CCDC63: variants seen among roughly 807,000 people sequenced by gnomAD.
CCDC63 encodes the protein coiled-coil domain containing 63.
CCDC63 carries 54 observed loss-of-function variants against 63.6 expected under a neutral mutation model. The observed-to-expected ratio is 0.85, with a 90% CI of 0.68 to 1.07. The LOEUF is 1.07. CCDC63 is among the 50% of genes least tolerant of loss of function. The pLI is 0.00. For synonymous variants in CCDC63, 253 were observed against 266.1 expected (o/e 0.95, Z 0.48); for missense variants, 637 against 689.6 (o/e 0.92, Z 0.86).
intron 3 of CCDC63, among the ~76,000 whole-genome samples, chr12:110,857,231 A>G (rs959623387): frequency 6.6e-6 from 1 of 151,866 alleles, no homozygotes; most frequent in African/African-American, 2.4e-5. Flanking sequence ...GGTTCAAGCA[A>G]TTCTCTGCCT....
At chr12:110,863,146 A>G (rs939339591) in intron 4 of CCDC63, among the ~76,000 whole-genome samples, 1 of 152,158 alleles carries the variant, frequency 6.6e-6, no homozygotes, top group African/African-American at 2.4e-5. Context: ...GAGGGTTTGC[A>G]CTGGGGGCGC....
In CCDC63 at chr12:110,858,711, C is replaced by T; in HGVS notation, c.305C>T (p.Thr102Ile). The T allele has an allele frequency of 6.2e-7, 1 of 1,614,100 alleles. No homozygotes were observed. ...NYMELRLLLQTKEDYEALIKS... is the reference protein window; with the variant it reads ...NYMELRLLLQIKEDYEALIKS... ...ATGGAGCTGCGACTCCTGCTCCAAA[C>T]TAAGGAGGACTATGAGGCATTGATT... The change falls in exon 4 of 12, where the codon ACT becomes ATT. Residue 102 changes from threonine to isoleucine, a missense_variant. Transcript: ENST00000308208.
upstream of CCDC63, among the ~76,000 whole-genome samples, chr12:110,844,925 T>C (rs2070621861): frequency 1.3e-5 from 2 of 152,230 alleles, no homozygotes; most frequent in African/African-American, 4.8e-5. Context: ...TCCAAATGCC[T>C]CTGCCTGGTC....
intron 2 of CCDC63, among the ~76,000 whole-genome samples, 177 bp downstream of exon 2, chr12:110,853,140 GCA>G (rs769536566): frequency 1.3e-5 from 2 of 152,020 alleles, no homozygotes; most frequent in South Asian, 2.1e-4. Context: ...CCACTAGATG[GCA>G]CAGTCAGAGT....
chr12:110,867,672 T>C (rs2070986959), intron 4 of CCDC63, among the ~76,000 whole-genome samples: 1 of 114,188 alleles, frequency 8.8e-6, no homozygotes, highest in African/African-American at 3.5e-5. Context: ...GCCCCTCACC[T>C]CCCAGACGGG....
chr12:110,878,300 A>G (rs2071157996), intron 5 of CCDC63, among the ~76,000 whole-genome samples: 1 of 152,102 alleles, frequency 6.6e-6, no homozygotes, highest in Admixed American at 6.6e-5. Context: ...GTGCATATAT[A>G]TACACACTCA....
chr12:110,886,089 C>T (rs1176506133), intron 8 of CCDC63, among the ~76,000 whole-genome samples: 1 of 152,050 alleles, frequency 6.6e-6, no homozygotes, highest in Non-Finnish European at 1.5e-5. Flanking sequence ...AACAGCACAG[C>T]CAACATGGGT....
Position 110,898,916 on chromosome 12 carries a change from T to C in CCDC63, c.1150-17T>C. On this transcript the variant is annotated splice_polypyrimidine_tract_variant and intron_variant, in intron 9 of 11. Transcript: ENST00000308208. ...GAAAGTCCTCCTGAGCAGGTGGGAA[T>C]TGGGGTCTGCCACCAGGATAAACTG... The C allele has an allele frequency of 1.3e-6, 2 of 1,570,210 alleles. No individual in the cohort carries two copies. Among genetic ancestry groups the C allele is most frequent in the Non-Finnish European group, 1.7e-6 (2 of 1,154,926 alleles).
intron 5 of CCDC63, among the ~76,000 whole-genome samples, chr12:110,879,236 G>A (rs1366990055): frequency 1.3e-5 from 2 of 152,162 alleles, no homozygotes; most frequent in African/African-American, 4.8e-5. Flanking sequence ...ATCCAGTCAA[G>A]GTTCACATAA....
intron 4 of CCDC63, among the ~76,000 whole-genome samples, chr12:110,860,176 C>T (rs1318977200): frequency 2.0e-5 from 3 of 152,168 alleles, no homozygotes; most frequent in Non-Finnish European, 4.4e-5. Flanking sequence ...ACTTGGAGAG[C>T]CTGGGGCAAG....
chr12:110,849,055 G>A (rs533592530), intron 1 of CCDC63, among the ~76,000 whole-genome samples: 55 of 152,302 alleles, frequency 3.6e-4, no homozygotes, highest in South Asian at 1.4e-3. Context: ...CCCTGCCTGT[G>A]GGAATTTCCC....
intron 10 of CCDC63, 25 bp from the exon 11 acceptor site, chr12:110,904,563 C>T: frequency 6.2e-7 from 1 of 1,612,226 alleles, no homozygotes; most frequent in South Asian, 1.1e-5. Context: ...CGGCAGCCAT[C>T]TTGGTCCTGC....
At chr12:110,873,139 G>A (rs1463512858) in intron 4 of CCDC63, among the ~76,000 whole-genome samples, 3 of 152,166 alleles carry the variant, frequency 2.0e-5, no homozygotes, top group Non-Finnish European at 4.4e-5. Flanking sequence ...GAGACGCTAA[G>A]GTAGGAGAAT....
upstream of CCDC63, among the ~76,000 whole-genome samples, chr12:110,844,496 G>A (rs1313238283): frequency 6.6e-6 from 1 of 152,150 alleles, no homozygotes; most frequent in African/African-American, 2.4e-5. Context: ...ATGCTTTCTT[G>A]TTTGCATCCA....
At chr12:110,872,779 C>T (rs990781158) in intron 4 of CCDC63, among the ~76,000 whole-genome samples, 14 of 152,086 alleles carry the variant, frequency 9.2e-5, no homozygotes, top group African/African-American at 3.4e-4. Flanking sequence ...GTGCATGCCA[C>T]CAAGCCTGAC....
In CCDC63 at chr12:110,904,790, T is replaced by C. The variant is rs2071537894; in HGVS notation, c.1545T>C (p.Asp515=). 6.2e-7 allele frequency: 1 copy of C among 1,605,334 alleles called. No homozygotes were observed. Among genetic ancestry groups the C allele is most frequent in the Non-Finnish European group, 8.5e-7 (1 of 1,176,248 alleles). Residue 515 remains aspartate, a splice_region_variant and synonymous_variant, in exon 11 of 12, where the codon GAT becomes GAC. Coordinates refer to ENST00000308208, the MANE Select transcript of CCDC63 (RefSeq NM_152591.3). ...ACCCCTTCAGCGACAGGTTGGATGA[T>C]GGTGAGTTCTCTCTCTCTCAATCTG... is the stretch of plus-strand genomic sequence containing the variant. The part of the protein sequence containing the change: ...GADPFSDRLD[D]VEQPLDHSSL...
intron 11 of CCDC63, among the ~76,000 whole-genome samples, 174 bp downstream of exon 11, chr12:110,904,965 T>C (rs372163075): frequency 1.0e-3 from 156 of 152,262 alleles, no homozygotes; most frequent in Middle Eastern, 6.8e-3. Flanking sequence ...CTGTGGTCAC[T>C]TGGTGTCACT....
chr12:110,878,636 T>A (rs903315748), intron 5 of CCDC63, among the ~76,000 whole-genome samples: 3 of 152,208 alleles, frequency 2.0e-5, no homozygotes, highest in Non-Finnish European at 4.4e-5. Flanking sequence ...CATCCATTCA[T>A]CTGTCAGTGA....
Position 110,877,011 on chromosome 12 carries a change from C to T in CCDC63, c.490-2895C>T, listed in dbSNP as rs143078557. Among the ~76,000 whole-genome samples, 320 of 151,918 alleles carry T rather than the reference C, an allele frequency of 2.1e-3. 5 individuals carry two copies. In the East Asian group the frequency reaches 0.055, roughly 26 times the overall value. On this transcript the variant is annotated intron_variant, in intron 5 of 11. Transcript: ENST00000308208. ...TTCCAGCCTGGTTGACAGAGCGAGA[C>T]CCTGTTTCATAAAAATAAAAAATAA... is the stretch of plus-strand genomic sequence containing the variant.
Sources: gnomAD v4.1 joint callset for allele counts (sites outside exome capture counted in the v4.1 genomes callset) on GRCh38, gnomAD v4.1.1 for gene constraint, MANE v1.5 for transcripts, NCBI Gene and HGNC (gene_info 2026-07-23, HGNC 2026-07-21) for gene names.